Variants in NPAS3 observed in about 807,000 individuals in gnomAD.
The protein encoded by NPAS3 is neuronal PAS domain protein 3, also known as neuronal PAS domain-containing protein 3.
Under a neutral mutation model 73.1 loss-of-function variants are expected in NPAS3, and 14 were observed. The ratio of observed to expected loss-of-function variants is 0.19; its 90% CI spans 0.13 to 0.30. The LOEUF (loss-of-function observed/expected upper bound fraction) is 0.30. Ranked by LOEUF, NPAS3 falls within the 10% of genes least tolerant of loss-of-function variation. NPAS3 has a pLI of 1.00. For missense variants in NPAS3, 1,096 were observed against 1,250.0 expected (o/e 0.88, Z 1.86); for synonymous variants, 620 against 541.5 (o/e 1.14, Z -2.01).
intron 6 of NPAS3, among the ~76,000 whole-genome samples, chr14:33,722,472 T>C (rs1332819996): frequency 6.6e-6 from 1 of 152,132 alleles, no homozygotes; most frequent in South Asian, 2.1e-4. Context: ...TTGAAGAAAA[T>C]ATACAAATGA....
chr14:33,708,703 A>G (rs2060730595), intron 6 of NPAS3, among the ~76,000 whole-genome samples: 1 of 152,218 alleles, frequency 6.6e-6, no homozygotes, highest in South Asian at 2.1e-4. Flanking sequence ...AAACACAGAC[A>G]CATGGAGGTG....
intron 2 of NPAS3, among the ~76,000 whole-genome samples, chr14:33,103,193 C>T (rs1011074763): frequency 6.6e-6 from 1 of 152,156 alleles, no homozygotes; most frequent in Non-Finnish European, 1.5e-5. Context: ...GCAAACCAGG[C>T]TCTCATGACA....
intron 4 of NPAS3, among the ~76,000 whole-genome samples, chr14:33,487,982 T>C (rs2139785674): frequency 6.6e-6 from 1 of 152,208 alleles, no homozygotes; most frequent in East Asian, 1.9e-4. Context: ...TTTAACTCAA[T>C]AGAAATGGAT....
At chr14:33,669,825 G>A (rs1000690719) in intron 5 of NPAS3, among the ~76,000 whole-genome samples, 4 of 152,078 alleles carry the variant, frequency 2.6e-5, no homozygotes, top group African/African-American at 9.7e-5. Flanking sequence ...TGATCCCCTG[G>A]AATTATCTTC....
intron 2 of NPAS3, among the ~76,000 whole-genome samples, chr14:33,206,017 A>ATAAT (rs1385750289): frequency 6.6e-6 from 1 of 152,182 alleles, no homozygotes; most frequent in Non-Finnish European, 1.5e-5. Context: ...TCTACTCCAA[A>ATAAT]TTGGAATAGG....
rs540824127 is a variant in NPAS3, at chr14:33,557,782, A to C, written c.469-2339A>C. On this transcript the variant is annotated intron_variant, in intron 4 of 11. Coordinates refer to ENST00000356141, the Ensembl canonical transcript of NPAS3. ...CAGGAGATCAAGGCCATCCTGGCTA[A>C]CACGGTGAAACCCCGTCTCTACTAA... 3.7e-4 allele frequency among the ~76,000 whole-genome samples: 57 copies of C among 152,334 alleles called. 1 individual carries two copies. In the South Asian group the frequency reaches 0.011, roughly 28 times the overall value.
intron 4 of NPAS3, 77 bp downstream of exon 4, chr14:33,367,345 T>A: frequency 1.5e-6 from 1 of 663,380 alleles, no homozygotes; most frequent in Non-Finnish European, 2.6e-6. Context: ...TTTTAAAGAA[T>A]TTTTTTTAAA....
At chr14:33,544,513 G>A (rs1325439883) in intron 4 of NPAS3, among the ~76,000 whole-genome samples, 1 of 151,646 alleles carries the variant, frequency 6.6e-6, no homozygotes, top group African/African-American at 2.4e-5. Flanking sequence ...GACAGAGAGA[G>A]CGCTCTCACT....
At position 33,099,783 on chromosome 14, in the gene NPAS3, A is replaced by G. The variant is rs184669153; in HGVS notation, c.140+43789A>G. Among the ~76,000 whole-genome samples, 608 of 152,298 alleles carry G rather than the reference A, an allele frequency of 4.0e-3. 3 individuals are homozygous for G. The highest frequency in any genetic ancestry group is 6.2e-3 in the Non-Finnish European group (422 of 68,020). On this transcript the variant is annotated intron_variant, in intron 2 of 11. Coordinates refer to ENST00000356141, the Ensembl canonical transcript of NPAS3. Reference sequence around the variant, plus strand: ...ACCTATGTATATACCCATCTCATTAAGAATAGCTGGTTTTATACCATTTTA... The same window carrying G: ...ACCTATGTATATACCCATCTCATTAGGAATAGCTGGTTTTATACCATTTTA...
rs75168832 is a variant in NPAS3, at chr14:33,089,120, T to C, written c.140+33126T>C. 7.2e-4 allele frequency among the ~76,000 whole-genome samples: 109 copies of C among 152,120 alleles called. 1 individual carries two copies. The highest frequency in any genetic ancestry group is 2.3e-3 in the African/African-American group (97 of 41,450). ...TCCCCCTCCAAAGGAACGCAGCTGC[T>C]CGCCAGCAATGGAACAAACCTGGAC... is the stretch of plus-strand genomic sequence containing the variant. On this transcript the variant is annotated intron_variant, in intron 2 of 11. Transcript: ENST00000356141.
chr14:33,017,337 A>G (rs77095618), intron 1 of NPAS3, among the ~76,000 whole-genome samples: 4,794 of 152,254 alleles, frequency 0.031, 199 homozygotes, highest in African/African-American at 0.095. Flanking sequence ...AAAAATGATT[A>G]CTGAACCTAG....
At chr14:33,361,184 G>A (rs565090107) in intron 3 of NPAS3, among the ~76,000 whole-genome samples, 2 of 152,192 alleles carry the variant, frequency 1.3e-5, no homozygotes, top group South Asian at 2.1e-4. Flanking sequence ...GTGGGTAGGC[G>A]AAGTGAATCT....
At chr14:33,208,199 G>A (rs1221879048) in intron 2 of NPAS3, among the ~76,000 whole-genome samples, 1 of 151,870 alleles carries the variant, frequency 6.6e-6, no homozygotes, top group African/African-American at 2.4e-5. Flanking sequence ...TGAGGTTTTT[G>A]GCAGACACCA....
chr14:33,037,688 C>A (rs768664440), intron 1 of NPAS3, among the ~76,000 whole-genome samples: 1 of 151,826 alleles, frequency 6.6e-6, no homozygotes, highest in African/African-American at 2.4e-5. Context: ...AAAAGATTCT[C>A]AAATAAATAC....
intron 2 of NPAS3, among the ~76,000 whole-genome samples, chr14:33,160,037 T>G (rs2044803493): frequency 6.6e-6 from 1 of 152,228 alleles, no homozygotes; most frequent in South Asian, 2.1e-4. Flanking sequence ...TTGCATATTA[T>G]AAAAGCATTG....
chr14:33,413,891 A>C (rs1419823395), intron 4 of NPAS3, among the ~76,000 whole-genome samples: 1 of 152,088 alleles, frequency 6.6e-6, no homozygotes, highest in Non-Finnish European at 1.5e-5. Flanking sequence ...CTCTAGAATA[A>C]ATTCCATCAC....
intron 2 of NPAS3, among the ~76,000 whole-genome samples, chr14:33,161,915 C>T (rs915205878): frequency 6.6e-6 from 1 of 152,144 alleles, no homozygotes; most frequent in African/African-American, 2.4e-5. Context: ...TGACATAGGA[C>T]CTGAGCCATG....
In NPAS3 at chr14:33,620,508, G is replaced by A. The variant is rs1013056799; in HGVS notation, c.559-55703G>A. On this transcript the variant is annotated intron_variant, in intron 5 of 11. Transcript: ENST00000356141. ...ATAGAAGTGTATGTGCTGTATATAC[G>A]TGTGCATTCACAAAAATATGCAAAT... is the stretch of plus-strand genomic sequence containing the variant. Among the ~76,000 whole-genome samples the A allele has an allele frequency of 4.6e-5, 7 of 152,224 alleles. No homozygotes were observed. The South Asian group carries it at 6.2e-4, about 14-fold the overall frequency.
At chr14:33,209,893 A>G (rs1331840352) in intron 2 of NPAS3, among the ~76,000 whole-genome samples, 4 of 152,208 alleles carry the variant, frequency 2.6e-5, no homozygotes, top group Admixed American at 2.6e-4. Context: ...TTGGAGAAGG[A>G]TTTTTACATA....
Sources: allele counts gnomAD v4.1 joint callset (sites outside exome capture counted in the v4.1 genomes callset), GRCh38; gene constraint gnomAD v4.1.1; transcripts MANE v1.5; gene names NCBI Gene and HGNC (gene_info 2026-07-23, HGNC 2026-07-21).